FER: variants seen among roughly 807,000 people sequenced by gnomAD.
FER encodes FER tyrosine kinase.
FER carries 63 observed loss-of-function variants against 111.0 expected under a neutral mutation model. That is an observed-to-expected ratio of 0.57 (90% CI 0.46 to 0.70). The LOEUF (loss-of-function observed/expected upper bound fraction) is 0.70, where lower values mean the gene tolerates loss of function less well. FER is among the 30% of genes least tolerant of loss of function. The pLI, the probability that FER is intolerant of heterozygous loss-of-function variation, is 0.00. For missense variants in FER, 914 were observed against 954.0 expected (o/e 0.96, Z 0.55); for synonymous variants, 327 against 313.9 (o/e 1.04, Z -0.44).
chr5:108,759,684 A>C (rs1751503125), intron 1 of FER, among the ~76,000 whole-genome samples: 1 of 152,190 alleles, frequency 6.6e-6, no homozygotes, highest in South Asian at 2.1e-4. Flanking sequence ...GAAGGGCAAG[A>C]GAGGGATGAA....
At position 108,967,807 on chromosome 5, in the gene FER, G is replaced by A. The variant is rs181249364; in HGVS notation, c.1656+8460G>A. On this transcript the variant is annotated intron_variant, in intron 13 of 19. Transcript: ENST00000281092. ...AACAATTAGGAAAGGGTAGGTATGA[G>A]TAAAACAGGTGAAAGGTGGGGAAAG... Among the ~76,000 whole-genome samples, 6 of 146,766 alleles carry A rather than the reference G, an allele frequency of 4.1e-5. No homozygotes were observed. The East Asian group carries it at 1.2e-3, about 30-fold the overall frequency.
intron 17 of FER, among the ~76,000 whole-genome samples, chr5:109,170,653 C>A (rs998109069): frequency 2.0e-5 from 3 of 152,190 alleles, no homozygotes; most frequent in Non-Finnish European, 2.9e-5. Context: ...AATATTCTTA[C>A]AGGGTTGGGA....
intron 17 of FER, among the ~76,000 whole-genome samples, chr5:109,165,679 A>G (rs1332807096): frequency 6.6e-6 from 1 of 151,872 alleles, no homozygotes; most frequent in Non-Finnish European, 1.5e-5. Context: ...TTATGTACAT[A>G]TTGAGCAGAG....
At chr5:109,072,827 G>A (rs551797797) in intron 16 of FER, among the ~76,000 whole-genome samples, 1 of 152,182 alleles carries the variant, frequency 6.6e-6, no homozygotes, top group South Asian at 2.1e-4. Flanking sequence ...CCAGGGCCAT[G>A]CTCCCTCCAA....
chr5:108,748,288 G>A (rs1750015285), intron 1 of FER: 1 of 152,290 alleles, frequency 6.6e-6, no homozygotes, highest in Admixed American at 6.5e-5. Context: ...TGGGGGCCTC[G>A]CGGCCCTAAA....
chr5:109,050,584 A>T (rs187602470), intron 16 of FER, among the ~76,000 whole-genome samples: 61 of 152,376 alleles, frequency 4.0e-4, no homozygotes, highest in African/African-American at 1.4e-3. Flanking sequence ...TACAGAAACC[A>T]TTAAATGAAT....
At chr5:109,161,624 C>G (rs1165417913) in intron 17 of FER, among the ~76,000 whole-genome samples, 1 of 152,090 alleles carries the variant, frequency 6.6e-6, no homozygotes, top group Non-Finnish European at 1.5e-5. Flanking sequence ...ACCACATTTT[C>G]TTTATCCAGT....
intron 16 of FER, among the ~76,000 whole-genome samples, chr5:109,080,984 A>G (rs1172642814): frequency 6.6e-6 from 1 of 152,104 alleles, no homozygotes; most frequent in African/African-American, 2.4e-5. Flanking sequence ...AAAGTGTTCA[A>G]AGTAGAGCAT....
At position 109,026,804 on chromosome 5, in the gene FER, G is replaced by A. The variant is rs376033362; in HGVS notation, c.1657-10618G>A. On this transcript the variant is annotated intron_variant, in intron 13 of 19. Transcript: ENST00000281092. ...AGGAATTCTCCTGTCTCAGCCTCCC[G>A]AGTAGCTGGGATTACAGGCGCCCGC... Among the ~76,000 whole-genome samples the A allele has an allele frequency of 2.7e-4, 41 of 152,092 alleles. No homozygotes were observed. In the East Asian group the frequency reaches 7.2e-3, roughly 27 times the overall value.
intron 1 of FER, 138 bp from the exon 2 acceptor site, chr5:108,767,955 G>A (rs1473853541): frequency 6.6e-6 from 1 of 152,186 alleles, no homozygotes; most frequent in East Asian, 1.9e-4. Context: ...GGTAAGTGTA[G>A]CATTCTTATT....
intron 10 of FER, among the ~76,000 whole-genome samples, chr5:108,929,749 T>C (rs983297858): frequency 2.0e-5 from 3 of 152,112 alleles, no homozygotes; most frequent in African/African-American, 7.2e-5. Context: ...TGACCTTGTC[T>C]CCAAGTTAAA....
intron 2 of FER, among the ~76,000 whole-genome samples, chr5:108,772,305 CAT>C (rs1434824271): frequency 6.8e-6 from 1 of 146,704 alleles, no homozygotes; most frequent in Non-Finnish European, 1.5e-5. Flanking sequence ...CCTGTTATGC[CAT>C]ATATATATGT....
At chr5:109,153,522 A>G (rs1755065986) in intron 17 of FER, among the ~76,000 whole-genome samples, 1 of 151,938 alleles carries the variant, frequency 6.6e-6, no homozygotes, top group Non-Finnish European at 1.5e-5. Context: ...AGTATATCAT[A>G]TTTGACTGAA....
At chr5:108,866,847 C>T (rs948062281) in intron 5 of FER, among the ~76,000 whole-genome samples, 2 of 152,080 alleles carry the variant, frequency 1.3e-5, no homozygotes, top group Admixed American at 6.6e-5. Context: ...TTAAAATTTT[C>T]ATTTCTTTAT....
intron 13 of FER, among the ~76,000 whole-genome samples, chr5:108,973,725 T>C (rs1760974285): frequency 6.6e-6 from 1 of 152,134 alleles, no homozygotes; most frequent in South Asian, 2.1e-4. Context: ...ATAGCTCTCA[T>C]TGTTTCATGG....
chr5:108,814,571 C>T (rs777199491), intron 3 of FER, among the ~76,000 whole-genome samples: 1 of 152,152 alleles, frequency 6.6e-6, no homozygotes, highest in Non-Finnish European at 1.5e-5. Context: ...ATGTTATTAT[C>T]TTTAAAGCAA....
intron 3 of FER, among the ~76,000 whole-genome samples, chr5:108,809,987 T>G (rs1757579973): frequency 6.6e-6 from 1 of 152,252 alleles, no homozygotes; most frequent in Non-Finnish European, 1.5e-5. Context: ...CCAGAATTCT[T>G]GTGCTGGTTC....
At chr5:108,798,660 G>T (rs1343224605) in intron 3 of FER, among the ~76,000 whole-genome samples, 1 of 152,118 alleles carries the variant, frequency 6.6e-6, no homozygotes, top group African/African-American at 2.4e-5. Context: ...CCAGCCTGGG[G>T]AAAGTGGTGA....
rs1752772558 is a variant in FER at position 109,135,297 on chromosome 5, AT to A, written c.2048+34780del. On this transcript the variant is annotated intron_variant, in intron 17 of 19. Transcript: ENST00000281092. ...TCACAAAATCCTTGAAGGATGTACA[AT>A]TATTATTCTTCCATTTTTACAGATG... 3.3e-5 allele frequency among the ~76,000 whole-genome samples: 5 copies of A among 152,318 alleles called. No individual in the cohort carries two copies. In the South Asian group the frequency reaches 1.0e-3, roughly 32 times the overall value.
Sources: gnomAD v4.1 joint callset for allele counts (sites outside exome capture counted in the v4.1 genomes callset) on GRCh38, gnomAD v4.1.1 for gene constraint, MANE v1.5 for transcripts, NCBI Gene and HGNC (gene_info 2026-07-23, HGNC 2026-07-21) for gene names.